The following LIPG variants were observed in gnomAD, a reference collection of about 807,000 sequenced individuals.
The protein encoded by LIPG is endothelial lipase.
In LIPG, 34 loss-of-function variants were observed where a neutral mutation model predicts 51.8. The observed-to-expected ratio is 0.66, with a 90% CI of 0.50 to 0.87. LIPG has a LOEUF of 0.87. LIPG is among the 40% of genes least tolerant of loss of function. The probability of loss-of-function intolerance (pLI) is 0.00; values close to 1 mark genes in which losing one functional copy is unlikely to be tolerated. For synonymous variants in LIPG, 246 were observed against 246.1 expected (o/e 1.00, Z 0.00); for missense variants, 580 against 652.7 (o/e 0.89, Z 1.21).
At chr18:49,578,878 GGCGCGTGCCTGCAA>G (rs1292997059) in intron 5 of LIPG, among the ~76,000 whole-genome samples, 5 of 134,698 alleles carry the variant, frequency 3.7e-5, no homozygotes, top group Admixed American at 1.4e-4. Flanking sequence ...CAGGCGTGGT[GGCGCGTGCCTGCAA>G]TCGCAGGCAC....
At chr18:49,573,593 GAAA>G (rs899709363) in intron 4 of LIPG, among the ~76,000 whole-genome samples, 1 of 150,344 alleles carries the variant, frequency 6.7e-6, no homozygotes, top group African/African-American at 2.4e-5. Flanking sequence ...AAAAAAAAAA[GAAA>G]AAAAAGTTAT....
At chr18:49,565,713 C>T (rs765753493) in intron 2 of LIPG, among the ~76,000 whole-genome samples, 2 of 152,164 alleles carry the variant, frequency 1.3e-5, no homozygotes, top group East Asian at 1.9e-4. Flanking sequence ...TGGCATACAA[C>T]GGGCTTTCAG....
At chr18:49,569,376 G>A in intron 3 of LIPG, 61 bp from the exon 4 acceptor site, 1 of 1,386,162 alleles carries the variant, frequency 7.2e-7, no homozygotes, top group South Asian at 1.2e-5. Flanking sequence ...TTGAACTGCT[G>A]GTGATTCTGG....
intron 5 of LIPG, 30 bp from the exon 6 acceptor site, chr18:49,581,385 C>T (rs1364756328): frequency 1.9e-6 from 3 of 1,614,100 alleles, no homozygotes; most frequent in Non-Finnish European, 1.7e-6. Flanking sequence ...AGGGCTCATC[C>T]TGCATGCTTT....
At chr18:49,576,485 GA>G (rs2084720465) in intron 5 of LIPG, among the ~76,000 whole-genome samples, 1 of 10,402 alleles carries the variant, frequency 9.6e-5, no homozygotes, top group Non-Finnish European at 2.3e-4. Context: ...TTTTTTTTTT[GA>G]GACGGAGTTT....
At chr18:49,576,339 A>G (rs531012254) in intron 5 of LIPG, among the ~76,000 whole-genome samples, 95 of 151,426 alleles carry the variant, frequency 6.3e-4, no homozygotes, top group Middle Eastern at 3.5e-3. Flanking sequence ...TTTTCCCCCA[A>G]ATCACATTGT....
intron 8 of LIPG, among the ~76,000 whole-genome samples, chr18:49,585,995 G>A (rs2084876059): frequency 6.6e-6 from 1 of 152,128 alleles, no homozygotes; most frequent in Non-Finnish European, 1.5e-5. Flanking sequence ...TTCTGAATGG[G>A]GCTTTTGTCC....
intron 4 of LIPG, among the ~76,000 whole-genome samples, chr18:49,573,169 C>G (rs946715685): frequency 6.6e-6 from 1 of 152,176 alleles, no homozygotes; most frequent in Admixed American, 6.5e-5. Context: ...TTGTTCACAC[C>G]AAGTAAAGAG....
Position 49,586,736 on chromosome 18 carries a change from T to C in LIPG, c.1377-10T>C. The C allele has an allele frequency of 6.2e-7, 1 of 1,604,396 alleles. No homozygotes were observed. The highest frequency in any genetic ancestry group is 8.5e-7 in the Non-Finnish European group (1 of 1,171,202). Reference sequence around the variant, plus strand: ...TTCTGCCTACATCAGTGGTTTCTTTTCCCTCCTAGACTGACATTTTGTACA... The same window carrying C: ...TTCTGCCTACATCAGTGGTTTCTTTCCCCTCCTAGACTGACATTTTGTACA... On this transcript the variant is annotated splice_polypyrimidine_tract_variant and intron_variant, in intron 8 of 9. Coordinates refer to ENST00000261292, the MANE Select transcript of LIPG (RefSeq NM_006033.4).
In LIPG at chr18:49,562,133, C is replaced by T; in HGVS notation, c.-176C>T. The T allele has an allele frequency of 6.8e-7, 1 of 1,464,244 alleles. No homozygotes were observed. Among genetic ancestry groups the T allele is most frequent in the Non-Finnish European group, 9.0e-7 (1 of 1,114,894 alleles). 90.7% of individuals were successfully genotyped at this position (1,464,244 alleles called of 1,614,324 possible). A position where few individuals can be genotyped will look rare whatever the true frequency, so the allele number is the denominator to read the frequency against. On this transcript the variant is annotated 5_prime_UTR_variant, in exon 1 of 10. Transcript: ENST00000261292. ...TGGGGCAAGCCGTTGACACTCGCTCCCTGCCACCGCCCGGGCTCCGTGCCG... is the reference window on the plus strand; with the variant it reads ...TGGGGCAAGCCGTTGACACTCGCTCTCTGCCACCGCCCGGGCTCCGTGCCG...
At chr18:49,583,869 A>C in intron 8 of LIPG, 95 bp downstream of exon 8, 1 of 1,117,682 alleles carries the variant, frequency 8.9e-7, no homozygotes, top group Non-Finnish European at 1.3e-6. Flanking sequence ...TCTACCCTCA[A>C]TCCTTCCCTC....
At chr18:49,584,999 A>G (rs2084866668) in intron 8 of LIPG, among the ~76,000 whole-genome samples, 1 of 152,158 alleles carries the variant, frequency 6.6e-6, no homozygotes, top group Admixed American at 6.5e-5. Flanking sequence ...AACCAAATAT[A>G]ACTAATATTT....
At position 49,569,705 on chromosome 18, in the gene LIPG, C is replaced by CTT. The variant is rs35711840; in HGVS notation, c.571+170_571+171dup. Among the ~76,000 whole-genome samples, 194 of 146,592 alleles carry CTT rather than the reference C, an allele frequency of 1.3e-3. 2 individuals are homozygous for CTT. Among genetic ancestry groups the CTT allele is most frequent in the Admixed American group, 3.9e-3 (57 of 14,598 alleles). ...CCCAAGCGTTTTTAGTCACAAGAAA[C>CTT]TTTTTTTTTTTTTTCCAAATTGAAC... On this transcript the variant is annotated intron_variant, in intron 4 of 9. Transcript: ENST00000261292.
At chr18:49,580,782 C>G (rs12970066) in intron 5 of LIPG, among the ~76,000 whole-genome samples, 38,773 of 152,142 alleles carry the variant, frequency 0.25, 5,082 homozygotes, top group East Asian at 0.32. Flanking sequence ...GGTAGTGACT[C>G]CTGCTGCACA....
At chr18:49,578,868 CAGGCGTGGTGGCGCGTGCCTGCAATCGCA>C in intron 5 of LIPG, among the ~76,000 whole-genome samples, 1 of 138,776 alleles carries the variant, frequency 7.2e-6, no homozygotes, top group Non-Finnish European at 1.6e-5. Context: ...CAAAACCAGT[CAGGCGTGGTGGCGCGTGCCTGCAATCGCA>C]GGCACTCGGC....
At chr18:49,587,239 A>C in intron 9 of LIPG, among the ~76,000 whole-genome samples, 1 of 150,626 alleles carries the variant, frequency 6.6e-6, no homozygotes, top group Non-Finnish European at 1.5e-5. Flanking sequence ...GCAATGTTGC[A>C]CTCCAGCCTA....
intron 8 of LIPG, among the ~76,000 whole-genome samples, chr18:49,584,596 A>G (rs9946207): frequency 6.6e-6 from 1 of 152,130 alleles, no homozygotes; most frequent in East Asian, 1.9e-4. Flanking sequence ...CATTTTCTCC[A>G]TTATAATTCC....
intron 5 of LIPG, among the ~76,000 whole-genome samples, chr18:49,576,216 A>C (rs1206046117): frequency 6.6e-6 from 1 of 152,124 alleles, no homozygotes; most frequent in Non-Finnish European, 1.5e-5. Context: ...TGAATAAAGC[A>C]AAAGTGCGCT....
At chr18:49,580,570 G>A (rs61755004) in intron 5 of LIPG, among the ~76,000 whole-genome samples, 5,668 of 152,188 alleles carry the variant, frequency 0.037, 139 homozygotes, top group South Asian at 0.063. Context: ...TTGGGCCCAG[G>A]TGAGGATCAC....
Sources: gnomAD v4.1 joint callset for allele counts (sites outside exome capture counted in the v4.1 genomes callset) on GRCh38, gnomAD v4.1.1 for gene constraint, MANE v1.5 for transcripts, NCBI Gene and HGNC (gene_info 2026-07-23, HGNC 2026-07-21) for gene names.